IL15: variants seen among roughly 807,000 people sequenced by gnomAD.
IL15 encodes the protein interleukin 15, also known as interleukin-15.
IL15 carries 11 observed loss-of-function variants against 19.6 expected under a neutral mutation model. The ratio of observed to expected loss-of-function variants is 0.56; its 90% CI spans 0.35 to 0.93. The LOEUF (loss-of-function observed/expected upper bound fraction) is 0.93. Among genes scored for constraint, IL15 ranks in the 40% least tolerant of loss-of-function variants. The probability of loss-of-function intolerance (pLI) is 0.01; values close to 1 mark genes in which losing one functional copy is unlikely to be tolerated. For missense variants in IL15, 197 were observed against 186.5 expected (o/e 1.06, Z -0.33); for synonymous variants, 58 against 59.6 (o/e 0.97, Z 0.12).
intron 2 of IL15, among the ~76,000 whole-genome samples, chr4:141,677,956 A>G (rs995073494): frequency 1.3e-5 from 2 of 151,986 alleles, no homozygotes; most frequent in Non-Finnish European, 2.9e-5. Flanking sequence ...TGGCAGAGTT[A>G]GAGGTCAAGC....
At chr4:141,680,328 G>A (rs992073820) in intron 2 of IL15, among the ~76,000 whole-genome samples, 10 of 152,290 alleles carry the variant, frequency 6.6e-5, no homozygotes, top group South Asian at 2.1e-4. Flanking sequence ...CACCAATAAC[G>A]TGTCCAGAAG....
At chr4:141,657,635 C>A (rs1193514467) in intron 2 of IL15, among the ~76,000 whole-genome samples, 1 of 151,806 alleles carries the variant, frequency 6.6e-6, no homozygotes, top group African/African-American at 2.4e-5. Flanking sequence ...AAGACATAAA[C>A]TCACACATTA....
chr4:141,714,156 T>C (rs1729796740), intron 2 of IL15, among the ~76,000 whole-genome samples: 1 of 152,112 alleles, frequency 6.6e-6, no homozygotes, highest in East Asian at 1.9e-4. Flanking sequence ...TGTCTTTTTA[T>C]TTTAATTCAC....
intron 2 of IL15, among the ~76,000 whole-genome samples, chr4:141,700,824 A>C (rs565677232): frequency 6.6e-6 from 1 of 152,258 alleles, no homozygotes; most frequent in East Asian, 1.9e-4. Context: ...ATTAAAGAAA[A>C]ATTGTTTTTG....
intron 1 of IL15, among the ~76,000 whole-genome samples, chr4:141,641,710 A>C: frequency 8.9e-6 from 1 of 112,172 alleles, no homozygotes; most frequent in African/African-American, 3.2e-5. Flanking sequence ...GGGAGGGGGG[A>C]GGGATAGCAT....
intron 2 of IL15, among the ~76,000 whole-genome samples, chr4:141,711,092 T>G (rs1476571255): frequency 6.6e-6 from 1 of 152,180 alleles, no homozygotes; most frequent in Admixed American, 6.6e-5. Flanking sequence ...TGGTAGTAAT[T>G]TCATGAGTGT....
chr4:141,665,607 A>G (rs1018031422), intron 2 of IL15, among the ~76,000 whole-genome samples: 1 of 152,214 alleles, frequency 6.6e-6, no homozygotes, highest in Non-Finnish European at 1.5e-5. Flanking sequence ...TCTGTAATAT[A>G]TAGTTTCCAT....
chr4:141,685,281 G>A (rs190755944), intron 2 of IL15, among the ~76,000 whole-genome samples: 5 of 152,166 alleles, frequency 3.3e-5, no homozygotes, highest in Non-Finnish European at 7.4e-5. Flanking sequence ...TTTCTGAGGA[G>A]AGGGTGCATA....
chr4:141,681,291 T>TAA (rs79077042), intron 2 of IL15, among the ~76,000 whole-genome samples: 2 of 140,360 alleles, frequency 1.4e-5, no homozygotes, highest in African/African-American at 2.6e-5. Flanking sequence ...TTAACCTGTG[T>TAA]AAAAAAAAAA....
chr4:141,664,473 C>G (rs1417029395), intron 2 of IL15, among the ~76,000 whole-genome samples: 1 of 151,706 alleles, frequency 6.6e-6, no homozygotes, highest in Non-Finnish European at 1.5e-5. Context: ...AATCACCAAG[C>G]ATTTTCCCCC....
Position 141,641,680 on chromosome 4 carries a change from G to A in IL15, c.-222+4932G>A, listed in dbSNP as rs566767839. Among the ~76,000 whole-genome samples the A allele has an allele frequency of 2.1e-3, 287 of 139,802 alleles. 3 individuals carry two copies. Among genetic ancestry groups the A allele is most frequent in the African/African-American group, 7.3e-3 (278 of 38,034 alleles). The allele number at this position is 139,802 out of a possible 152,430, so 91.7% of individuals were successfully genotyped here. A position where few individuals can be genotyped will look rare whatever the true frequency, so the allele number is the denominator to read the frequency against. On this transcript the variant is annotated intron_variant, in intron 1 of 7. Coordinates refer to ENST00000320650, the MANE Select transcript of IL15 (RefSeq NM_000585.5). ...CACAGGAAGGGGAACATCACACACCGGGGCCTGTCATGGGGTGGGGGGAGG... is the reference window on the plus strand; with the variant it reads ...CACAGGAAGGGGAACATCACACACCAGGGCCTGTCATGGGGTGGGGGGAGG...
chr4:141,729,282 T>A lies in IL15; in HGVS notation c.241-565T>A, dbSNP rs147043232. 2.4e-3 allele frequency among the ~76,000 whole-genome samples: 365 copies of A among 152,256 alleles called. 11 individuals are homozygous for A. In the East Asian group the frequency reaches 0.049, roughly 20 times the overall value. ...TCCTTTCTTTAAGTTATTGTTAAAG[T>A]AAATGTTGTGGAAAACATATTTTTG... On this transcript the variant is annotated intron_variant, in intron 6 of 7. Transcript: ENST00000320650.
At chr4:141,724,759 G>C (rs561498204) in intron 5 of IL15, among the ~76,000 whole-genome samples, 1 of 152,112 alleles carries the variant, frequency 6.6e-6, no homozygotes, top group East Asian at 1.9e-4. Flanking sequence ...AGATGAAATA[G>C]ACAATCCAAA....
intron 7 of IL15, among the ~76,000 whole-genome samples, chr4:141,730,410 C>G (rs1730414211): frequency 6.6e-6 from 1 of 152,076 alleles, no homozygotes. Flanking sequence ...TTCATTTAAT[C>G]CTCATGATAA....
chr4:141,647,276 T>C (rs949781451), intron 1 of IL15, among the ~76,000 whole-genome samples: 14 of 152,042 alleles, frequency 9.2e-5, no homozygotes, highest in African/African-American at 3.4e-4. Context: ...GGAACAGATA[T>C]ATATTACAGC....
At chr4:141,669,798 T>G (rs1174664522) in intron 2 of IL15, among the ~76,000 whole-genome samples, 1 of 151,752 alleles carries the variant, frequency 6.6e-6, no homozygotes, top group African/African-American at 2.4e-5. Context: ...TTAACTATTC[T>G]TTTAATATAT....
chr4:141,690,067 G>A (rs1055678428), intron 2 of IL15, among the ~76,000 whole-genome samples: 3 of 152,190 alleles, frequency 2.0e-5, no homozygotes, highest in African/African-American at 7.2e-5. Context: ...CACTGCTGGG[G>A]GATCCAGTAC....
intron 2 of IL15, among the ~76,000 whole-genome samples, chr4:141,670,594 A>G (rs573968139): frequency 6.6e-6 from 1 of 152,270 alleles, no homozygotes; most frequent in South Asian, 2.1e-4. Flanking sequence ...TTTAACCAAC[A>G]TGTTTTGCTT....
intron 1 of IL15, among the ~76,000 whole-genome samples, chr4:141,653,785 A>T (rs1260244678): frequency 6.6e-6 from 1 of 152,178 alleles, no homozygotes; most frequent in African/African-American, 2.4e-5. Context: ...GAGTAATTTC[A>T]ACACTGATAT....
Sources: allele counts gnomAD v4.1 joint callset (sites outside exome capture counted in the v4.1 genomes callset), GRCh38; gene constraint gnomAD v4.1.1; transcripts MANE v1.5; gene names NCBI Gene and HGNC (gene_info 2026-07-23, HGNC 2026-07-21).